The following PLEKHH2 variants were observed in gnomAD, a reference collection of about 807,000 sequenced individuals.
PLEKHH2 encodes the protein pleckstrin homology, MyTH4 and FERM domain containing H2, also known as pleckstrin homology domain-containing family H member 2.
In PLEKHH2, 129 loss-of-function variants were observed where a neutral mutation model predicts 187.9. The ratio of observed to expected loss-of-function variants is 0.69; its 90% CI spans 0.59 to 0.79. The LOEUF (loss-of-function observed/expected upper bound fraction) is 0.79, where lower values mean the gene tolerates loss of function less well. PLEKHH2 is among the 30% of genes least tolerant of loss of function. PLEKHH2 has a pLI of 0.00. For synonymous variants in PLEKHH2, 686 were observed against 605.6 expected, an observed-to-expected ratio of 1.13 and a Z score of -1.95; for missense variants, 2,076 against 1,751.2, an observed-to-expected ratio of 1.19 and a Z score of -3.31.
intron 15 of PLEKHH2, among the ~76,000 whole-genome samples, chr2:43,716,786 T>C (rs1385391307): frequency 6.6e-6 from 1 of 152,228 alleles, no homozygotes; most frequent in East Asian, 1.9e-4. Flanking sequence ...TTATGGGCAT[T>C]GCCAATGTAT....
intron 16 of PLEKHH2, among the ~76,000 whole-genome samples, chr2:43,723,316 A>C (rs939435295): frequency 1.3e-5 from 2 of 152,208 alleles, no homozygotes; most frequent in Non-Finnish European, 2.9e-5. Flanking sequence ...ATATACATTT[A>C]TTTAAGTTTT....
intron 2 of PLEKHH2, among the ~76,000 whole-genome samples, chr2:43,653,675 C>A (rs1018832770): frequency 2.0e-5 from 3 of 152,180 alleles, no homozygotes; most frequent in Non-Finnish European, 4.4e-5. Context: ...GAGCCTGGCA[C>A]AGGTCAGTTC....
At position 43,710,253 on chromosome 2, in the gene PLEKHH2, A is replaced by T; in HGVS notation, c.2137A>T (p.Met713Leu). Residue 713 changes from methionine (M) to leucine (L), a missense_variant, in exon 13 of 30, where the codon ATG (methionine) becomes TTG (leucine). Transcript: ENST00000282406. ...GGAAAAATCTGGTTATTTATTAAAA[A>T]TGAGTGGTAAAGTCAAGTCTTGGAA... ...PLEKSGYLLK[M>L]SGKVKSWKRR... The T allele has an allele frequency of 6.2e-7, 1 of 1,614,194 alleles. No homozygotes were observed. Among genetic ancestry groups the T allele is most frequent in the South Asian group, 1.1e-5 (1 of 91,064 alleles).
At chr2:43,742,686 A>G in intron 21 of PLEKHH2, 55 bp from the exon 22 acceptor site, 2 of 1,318,728 alleles carry the variant, frequency 1.5e-6, no homozygotes, top group East Asian at 2.7e-5. Flanking sequence ...GGTTGCACAT[A>G]TTAGGTTGTC....
chr2:43,740,842 C>T (rs1279248677), intron 20 of PLEKHH2, 104 bp from the exon 21 acceptor site: 9 of 1,464,628 alleles, frequency 6.1e-6, no homozygotes, highest in African/African-American at 2.8e-5. Flanking sequence ...AGAAGCAAAA[C>T]GTTTTTGGGT....
chr2:43,637,747 G>A (rs765446931), intron 1 of PLEKHH2, among the ~76,000 whole-genome samples: 21 of 152,184 alleles, frequency 1.4e-4, no homozygotes, highest in Non-Finnish European at 2.5e-4. Context: ...TCCCCGAGCC[G>A]AGGGACCCGC....
intron 16 of PLEKHH2, among the ~76,000 whole-genome samples, 172 bp downstream of exon 16, chr2:43,720,921 C>T (rs1327583633): frequency 6.6e-6 from 1 of 152,150 alleles, no homozygotes; most frequent in Non-Finnish European, 1.5e-5. Flanking sequence ...TCACCTACAC[C>T]TACAAGGGTC....
chr2:43,701,792 A>T (rs1408142413), intron 8 of PLEKHH2, among the ~76,000 whole-genome samples: 1 of 147,522 alleles, frequency 6.8e-6, no homozygotes, highest in African/African-American at 2.5e-5. Context: ...TTTGAGATGA[A>T]GTTTCACTCT....
chr2:43,649,755 TA>T (rs1666373517), intron 2 of PLEKHH2, among the ~76,000 whole-genome samples: 2 of 152,208 alleles, frequency 1.3e-5, no homozygotes, highest in African/African-American at 4.8e-5. Flanking sequence ...CAACATCAAA[TA>T]ATGTTTGGTG....
intron 3 of PLEKHH2, among the ~76,000 whole-genome samples, chr2:43,681,862 G>A (rs949142406): frequency 6.6e-6 from 1 of 152,156 alleles, no homozygotes; most frequent in African/African-American, 2.4e-5. Flanking sequence ...TAGAGTAAGT[G>A]CCTAATAGAT....
Position 43,766,620 on chromosome 2 carries a change from G to A in PLEKHH2, c.*1022G>A, listed in dbSNP as rs1672630813. 1 of 152,156 alleles carries A rather than the reference G, an allele frequency of 6.6e-6. No homozygotes were observed. The highest frequency in any genetic ancestry group is 1.5e-5 in the Non-Finnish European group (1 of 68,230). 9.4% of individuals were successfully genotyped at this position (152,156 alleles called of 1,614,324 possible). A position where few individuals can be genotyped will look rare whatever the true frequency, so the allele number is the denominator to read the frequency against. Reference sequence around the variant, plus strand: ...CAGAAATTTTATTTTATTTTTTTGAGGCAGGGTCTCACTCTGGTTGCCCAG... The same window carrying A: ...CAGAAATTTTATTTTATTTTTTTGAAGCAGGGTCTCACTCTGGTTGCCCAG... On this transcript the variant is annotated 3_prime_UTR_variant, in exon 30 of 30. Transcript: ENST00000282406.
In PLEKHH2 at chr2:43,731,539, C is replaced by T. The variant is rs1395559572; in HGVS notation, c.2880C>T (p.Ile960=). ...HPTLCHSKEG[I]ISPLTTLPSE... ...CTTTGTGTCACAGTAAAGAAGGAATCATTTCCCCTCTGACAACTCTACCTT... is the reference window on the plus strand; with the variant it reads ...CTTTGTGTCACAGTAAAGAAGGAATTATTTCCCCTCTGACAACTCTACCTT... Residue 960 remains isoleucine (I), a synonymous_variant, in exon 19 of 30, where the codon ATC becomes ATT. Transcript: ENST00000282406. 1 of 1,607,084 alleles carries T rather than the reference C, an allele frequency of 6.2e-7. No homozygotes were observed. Among genetic ancestry groups the T allele is most frequent in the Non-Finnish European group, 8.5e-7 (1 of 1,174,168 alleles).
At chr2:43,677,723 A>C (rs12994462) in intron 2 of PLEKHH2, among the ~76,000 whole-genome samples, 70,950 of 149,152 alleles carry the variant, frequency 0.48, 17,601 homozygotes, top group Non-Finnish European at 0.52. Flanking sequence ...GTACACCTCC[A>C]AGACGGGGTG....
intron 2 of PLEKHH2, among the ~76,000 whole-genome samples, chr2:43,651,955 G>A (rs1206971063): frequency 2.0e-5 from 3 of 152,108 alleles, no homozygotes; most frequent in African/African-American, 7.2e-5. Context: ...TCAAATGTCT[G>A]ATGATTTTTA....
Position 43,678,842 on chromosome 2 carries a change from A to C in PLEKHH2, c.124-21A>C, listed in dbSNP as rs745476956. On this transcript the variant is annotated intron_variant, in intron 2 of 29. Transcript: ENST00000282406. ...TTTTCAAAAATAAATTTTTGTATTT[A>C]TATTTTCCCTCACTCTACAGATGCA... The C allele has an allele frequency of 3.9e-6, 6 of 1,554,600 alleles. No individual in the cohort carries two copies. The Admixed American group carries it at 1.1e-4, about 29-fold the overall frequency.
intron 4 of PLEKHH2, among the ~76,000 whole-genome samples, chr2:43,693,102 A>AT (rs5830766): frequency 1.2e-4 from 18 of 150,484 alleles, no homozygotes; most frequent in Admixed American, 2.7e-4. Context: ...TAATTTTTGT[A>AT]TTTTTTTTTT....
chr2:43,724,203 C>A (rs906433871), intron 16 of PLEKHH2, among the ~76,000 whole-genome samples: 2 of 149,106 alleles, frequency 1.3e-5, no homozygotes, highest in Non-Finnish European at 3.0e-5. Flanking sequence ...GTTAGTGAGT[C>A]TGGAGTTATA....
rs1342998093 is a variant in PLEKHH2 at position 43,716,406 on chromosome 2, A to G, written c.2460+4023A>G. On this transcript the variant is annotated intron_variant, in intron 15 of 29. Transcript: ENST00000282406. The stretch of plus-strand genomic sequence containing the variant: ...TTCTTAATGAACATTATTCCGTACG[A>G]CAATGTTATTTACTAAGAGTGGGGA... 3.3e-5 allele frequency among the ~76,000 whole-genome samples: 5 copies of G among 152,210 alleles called. No homozygotes were observed. In the South Asian group the frequency reaches 1.0e-3, roughly 32 times the overall value.
intron 14 of PLEKHH2, 107 bp downstream of exon 14, chr2:43,710,682 T>G: frequency 6.7e-7 from 1 of 1,485,536 alleles, no homozygotes. Flanking sequence ...GTTTCTTTAT[T>G]CACTTTGGGG....
Sources: gnomAD v4.1 joint callset for allele counts (sites outside exome capture counted in the v4.1 genomes callset) on GRCh38, gnomAD v4.1.1 for gene constraint, MANE v1.5 for transcripts, NCBI Gene and HGNC (gene_info 2026-07-23, HGNC 2026-07-21) for gene names.